STX1A: variants seen among roughly 807,000 people sequenced by gnomAD.
STX1A encodes syntaxin-1A.
In STX1A, 4 loss-of-function variants were observed where a neutral mutation model predicts 37.8. The ratio of observed to expected loss-of-function variants is 0.11; its 90% confidence interval spans 0.05 to 0.24. STX1A has a LOEUF of 0.24. STX1A is among the 10% of genes least tolerant of loss of function. The pLI, the probability that STX1A is intolerant of heterozygous loss-of-function variation, is 1.00. For synonymous variants in STX1A, 135 were observed against 147.4 expected (o/e 0.92, Z 0.61); for missense variants, 251 against 399.9 (o/e 0.63, Z 3.18).
Position 73,704,180 on chromosome 7 carries a change from C to G in STX1A, c.434G>C (p.Cys145Ser), listed in dbSNP as rs782171983. Reference protein sequence around the residue: ...NATQSDYRERCKGRIQRQLEI... With the variant: ...NATQSDYRERSKGRIQRQLEI... Reference sequence around the variant, plus strand: ...CAGCTGCCTCTGGATGCGGCCTTTGCAGCGCTCGCGGTAGTCGGACTGCGT... The same window carrying G: ...CAGCTGCCTCTGGATGCGGCCTTTGGAGCGCTCGCGGTAGTCGGACTGCGT... Residue 145 changes from cysteine (C) to serine (S), a missense_variant, in exon 6 of 10, where the codon TGC (cysteine) becomes TCC (serine). Coordinates refer to ENST00000222812, the MANE Select transcript of STX1A (RefSeq NM_004603.4). The G allele has an allele frequency of 4.4e-6, 7 of 1,603,262 alleles. No homozygotes were observed. In the South Asian group the frequency reaches 7.7e-5, roughly 18 times the overall value.
chr7:73,703,966 G>A lies in STX1A; in HGVS notation c.467-138C>T, dbSNP rs1237728893. The A allele has an allele frequency of 1.3e-4, 19 of 151,822 alleles. No individual in the cohort carries two copies. In the East Asian group the frequency reaches 3.2e-3, roughly 26 times the overall value. The allele number at this position is 151,822 out of a possible 1,614,324, so 9.4% of individuals were successfully genotyped here. The stretch of plus-strand genomic sequence containing the variant: ...CGGCAGCCTCAGGCCCCGCCCCCCC[G>A]GCCCTTAACACAGCAGCCGCCTCAG... On this transcript the variant is annotated intron_variant, in intron 6 of 9. Transcript: ENST00000222812.
rs1554618951 is a variant in STX1A, at chr7:73,717,819, C to T, written c.30+1783G>A. Among the ~76,000 whole-genome samples, 1 of 152,160 alleles carries T rather than the reference C, an allele frequency of 6.6e-6. No homozygotes were observed. The highest frequency in any genetic ancestry group is 1.5e-5 in the Non-Finnish European group (1 of 68,016). ...AGATCTGGGTTCAAACGCTTCACAA[C>T]CCCAGCTCCACTGGCTGTCCCCCAG... On this transcript the variant is annotated intron_variant, in intron 1 of 9. Transcript: ENST00000222812. The surrounding 1 kb of genome is among the most constrained non-coding windows in gnomAD (Gnocchi z 4.1).
chr7:73,700,142 G>C lies in STX1A; in HGVS notation c.*265C>G. 1.8e-6 allele frequency: 1 copy of C among 546,798 alleles called. No homozygotes were observed. Among genetic ancestry groups the C allele is most frequent in the African/African-American group, 1.9e-5 (1 of 52,884 alleles). The allele number at this position is 546,798 out of a possible 1,614,324, so 33.9% of individuals were successfully genotyped here. ...TGTGTCACCCTGGCGGCCCTGCCTG[G>C]GTCTGCTCCTCGCTGTGCACACTGC... On this transcript the variant is annotated 3_prime_UTR_variant, in exon 10 of 10. Coordinates refer to ENST00000222812, the MANE Select transcript of STX1A (RefSeq NM_004603.4). This position sits in a 1 kb window ranked among gnomAD's most constrained non-coding sequence, Gnocchi z 4.4.
At chr7:73,704,577 G>GCTTCTGTAGGCCCCT in intron 4 of STX1A, 154 bp from the exon 5 acceptor site, 1 of 840,230 alleles carries the variant, frequency 1.2e-6, no homozygotes, top group Non-Finnish European at 1.9e-6. Flanking sequence ...TGGAGGAGGG[G>GCTTCTGTAGGCCCCT]CCTACAGAAG....
chr7:73,718,609 T>C (rs1482670904), intron 1 of STX1A, among the ~76,000 whole-genome samples: 1 of 151,928 alleles, frequency 6.6e-6, no homozygotes, highest in Non-Finnish European at 1.5e-5. Context: ...TCTTGAGCCT[T>C]GATCCACCCC....
chr7:73,704,254 G>C lies in STX1A; in HGVS notation c.360C>G (p.His120Gln). Reference protein sequence around the residue: ...SADLRIRKTQHSTLSRKFVEV... With the variant: ...SADLRIRKTQQSTLSRKFVEV... ...CCACAAACTTTCTGGACAGCGTGGA[G>C]TGCTGGGGGCCCGAGATGGAGGTGC... Residue 120 changes from histidine to glutamine, a missense_variant and splice_region_variant, in exon 6 of 10, where the codon CAC becomes CAG. Around this residue, in one of 2 missense-constraint regions of STX1A, gnomAD observed 214 missense variants for 367.6 expected, o/e 0.58. Transcript: ENST00000222812. 6.2e-7 allele frequency: 1 copy of C among 1,614,100 alleles called. No homozygotes were observed. Among genetic ancestry groups the C allele is most frequent in the Non-Finnish European group, 8.5e-7 (1 of 1,180,016 alleles).
chr7:73,701,430 GAGAACTGGTT>G (rs1554615868), intron 8 of STX1A, among the ~76,000 whole-genome samples: 1 of 152,022 alleles, frequency 6.6e-6, no homozygotes, highest in African/African-American at 2.4e-5. Flanking sequence ...GCTGAGGCAG[GAGAACTGGTT>G]GAACCTGGGA....
intron 7 of STX1A, chr7:73,703,372 C>T (rs571230802): frequency 5.2e-6 from 3 of 572,550 alleles, no homozygotes; most frequent in South Asian, 3.1e-5. Context: ...TCTCCTGGAA[C>T]TCACAGCCCC....
Position 73,700,563 on chromosome 7 carries a change from TGGACA to T in STX1A, c.790-84_790-80del. The T allele has an allele frequency of 6.5e-7, 1 of 1,548,394 alleles. No homozygotes were observed. Among genetic ancestry groups the T allele is most frequent in the Non-Finnish European group, 8.8e-7 (1 of 1,139,288 alleles). Reference sequence around the variant, plus strand: ...TGGGACTATGGCAAAGGCTGAGGACTGGACAGTCGGGGGGGATCCAAGCAGGGGAA... The same window carrying T: ...TGGGACTATGGCAAAGGCTGAGGACTGTCGGGGGGGATCCAAGCAGGGGAA... On this transcript the variant is annotated intron_variant, in intron 9 of 9. Transcript: ENST00000222812. The surrounding 1 kb of genome is among the most constrained non-coding windows in gnomAD (Gnocchi z 4.4).
intron 3 of STX1A, among the ~76,000 whole-genome samples, 175 bp downstream of exon 3, chr7:73,708,414 G>A (rs550959667): frequency 5.9e-5 from 9 of 152,234 alleles, no homozygotes; most frequent in East Asian, 3.9e-4. Context: ...GTTCCAAGCC[G>A]GGGACAGCTG....
chr7:73,700,795 C>G lies in STX1A; in HGVS notation c.724G>C (p.Asp242His), dbSNP rs1554615742. Reference sequence around the variant, plus strand: ...TCAGACACGGCCCTCTCCACATAGTCTACCGCGTGTTCCACATTGTACTCG... The same window carrying G: ...TCAGACACGGCCCTCTCCACATAGTGTACCGCGTGTTCCACATTGTACTCG... ...RIEYNVEHAV[D>H]YVERAVSDTK... Residue 242 changes from aspartate (D) to histidine (H), a missense_variant, in exon 9 of 10, where the codon GAC (aspartate) becomes CAC (histidine). Asp to His is a moderately conservative substitution (Grantham distance 81, BLOSUM62 -1). Transcript: ENST00000222812. The surrounding 1 kb of genome is among the most constrained non-coding windows in gnomAD (Gnocchi z 4.4). 6.2e-7 allele frequency: 1 copy of G among 1,613,912 alleles called. No individual in the cohort carries two copies.
chr7:73,707,189 C>T (rs1798904540), intron 3 of STX1A, among the ~76,000 whole-genome samples: 1 of 152,208 alleles, frequency 6.6e-6, no homozygotes, highest in Admixed American at 6.5e-5. Flanking sequence ...TGGTGAGCCC[C>T]CCTCCAGGGA....
intron 1 of STX1A, among the ~76,000 whole-genome samples, chr7:73,712,297 T>G (rs1387132921): frequency 6.6e-6 from 1 of 152,002 alleles, no homozygotes; most frequent in Non-Finnish European, 1.5e-5. Context: ...TTTATCCTGC[T>G]GCCCTCCCCT....
chr7:73,702,734 G>C lies in STX1A; in HGVS notation c.678+111C>G. Reference sequence around the variant, plus strand: ...CAACAGCGGGTGATTGGTTACCTGAGAACTTGGTCCCTCCCCGGCAGGGCA... The same window carrying C: ...CAACAGCGGGTGATTGGTTACCTGACAACTTGGTCCCTCCCCGGCAGGGCA... On this transcript the variant is annotated intron_variant, in intron 8 of 9. Coordinates refer to ENST00000222812, the MANE Select transcript of STX1A (RefSeq NM_004603.4). The surrounding 1 kb of genome is among the most constrained non-coding windows in gnomAD (Gnocchi z 4.7). The C allele has an allele frequency of 6.3e-7, 1 of 1,575,002 alleles. No individual in the cohort carries two copies. Among genetic ancestry groups the C allele is most frequent in the Non-Finnish European group, 8.6e-7 (1 of 1,157,152 alleles).
chr7:73,704,069 G>T, intron 6 of STX1A, 79 bp downstream of exon 6: 1 of 1,448,220 alleles, frequency 6.9e-7, no homozygotes, highest in Non-Finnish European at 9.3e-7. Flanking sequence ...CAGCAGCCTT[G>T]AGCCACGCAC....
intron 1 of STX1A, among the ~76,000 whole-genome samples, chr7:73,715,545 C>G (rs1177586591): frequency 1.3e-5 from 2 of 152,154 alleles, no homozygotes; most frequent in Non-Finnish European, 2.9e-5. Flanking sequence ...CCACGGGGAG[C>G]TGGATGCCCT....
chr7:73,701,558 T>C (rs540694068), intron 8 of STX1A, among the ~76,000 whole-genome samples: 175 of 150,698 alleles, frequency 1.2e-3, no homozygotes, highest in African/African-American at 4.0e-3. Context: ...TAGAACCCCC[T>C]GCCCAGCCCA....
chr7:73,700,932 C>T lies in STX1A; in HGVS notation c.679-92G>A. The T allele has an allele frequency of 6.4e-7, 1 of 1,572,636 alleles. No homozygotes were observed. The highest frequency in any genetic ancestry group is 8.6e-7 in the Non-Finnish European group (1 of 1,164,562). ...AGGACTTCAGGAAAGCACCCTGAGGCTAGAGACAAAAAGGGGGCGTGAGGA... is the reference window on the plus strand; with the variant it reads ...AGGACTTCAGGAAAGCACCCTGAGGTTAGAGACAAAAAGGGGGCGTGAGGA... On this transcript the variant is annotated intron_variant, in intron 8 of 9. Coordinates refer to ENST00000222812, the MANE Select transcript of STX1A (RefSeq NM_004603.4). This position sits in a 1 kb window ranked among gnomAD's most constrained non-coding sequence, Gnocchi z 4.4.
Position 73,700,289 on chromosome 7 carries a change from G to T in STX1A, c.*118C>A. The T allele has an allele frequency of 2.1e-6, 2 of 930,462 alleles. No homozygotes were observed. The highest frequency in any genetic ancestry group is 3.4e-6 in the Non-Finnish European group (2 of 588,030). The allele number at this position is 930,462 out of a possible 1,614,324, so 57.6% of individuals were successfully genotyped here. On this transcript the variant is annotated 3_prime_UTR_variant, in exon 10 of 10. Coordinates refer to ENST00000222812, the MANE Select transcript of STX1A (RefSeq NM_004603.4). The surrounding 1 kb of genome is among the most constrained non-coding windows in gnomAD (Gnocchi z 4.4). ...TGGCAGAGAAGGGAGCATGGGGGCC[G>T]GGAGGGAGGGTGCTCTGAGCCAGAG...
Sources: allele counts gnomAD v4.1 joint callset (sites outside exome capture counted in the v4.1 genomes callset), GRCh38; gene constraint gnomAD v4.1.1; regional missense constraint gnomAD v4.1.1; non-coding constraint Gnocchi (gnomAD v3.1); transcripts MANE v1.5; gene names NCBI Gene and HGNC (gene_info 2026-07-23, HGNC 2026-07-21).